PMS1: variants seen among roughly 807,000 people sequenced by gnomAD.
PMS1 encodes the protein PMS1 homolog 1, mismatch repair system component.
Under a neutral mutation model 93.1 loss-of-function variants are expected in PMS1, and 79 were observed. The ratio of observed to expected loss-of-function variants is 0.85; its 90% CI spans 0.71 to 1.02. PMS1 has a LOEUF of 1.02. Among genes scored for constraint, PMS1 ranks in the 50% least tolerant of loss-of-function variants. PMS1 has a pLI of 0.00. For synonymous variants in PMS1, 335 were observed against 363.4 expected (o/e 0.92, Z 0.89); for missense variants, 1,064 against 1,085.3 (o/e 0.98, Z 0.28).
At chr2:189,851,066 C>G (rs1396605003) in intron 6 of PMS1, among the ~76,000 whole-genome samples, 1 of 152,116 alleles carries the variant, frequency 6.6e-6, no homozygotes, top group Non-Finnish European at 1.5e-5. Context: ...TTTGGTGTCT[C>G]AAGTTATTTT....
At chr2:189,800,337 T>TA (rs201941234) in intron 3 of PMS1, among the ~76,000 whole-genome samples, 5,732 of 152,238 alleles carry the variant, frequency 0.038, 154 homozygotes, top group African/African-American at 0.067. Flanking sequence ...TTAAATTATT[T>TA]ACAAATATAC....
chr2:189,831,983 G>A (rs986276286), intron 5 of PMS1, among the ~76,000 whole-genome samples: 2 of 151,934 alleles, frequency 1.3e-5, no homozygotes, highest in African/African-American at 4.8e-5. Flanking sequence ...CTCCCGCCTC[G>A]GCCTCCCAGT....
At chr2:189,844,480 C>G (rs1257258016) in intron 6 of PMS1, among the ~76,000 whole-genome samples, 1 of 151,890 alleles carries the variant, frequency 6.6e-6, no homozygotes, top group Non-Finnish European at 1.5e-5. Context: ...CCTGTCTCTA[C>G]TAAAAATACA....
At chr2:189,801,729 T>C (rs1269062084) in intron 3 of PMS1, among the ~76,000 whole-genome samples, 1 of 152,124 alleles carries the variant, frequency 6.6e-6, no homozygotes, top group African/African-American at 2.4e-5. Flanking sequence ...GATTAAGTTT[T>C]CTGAGAATTT....
intron 5 of PMS1, among the ~76,000 whole-genome samples, chr2:189,831,487 G>A (rs1054551304): frequency 6.6e-6 from 1 of 152,202 alleles, no homozygotes; most frequent in Non-Finnish European, 1.5e-5. Flanking sequence ...AATGGGACTA[G>A]CTGTGAGTGG....
chr2:189,837,510 T>C (rs983038467), intron 5 of PMS1, among the ~76,000 whole-genome samples: 1 of 152,234 alleles, frequency 6.6e-6, no homozygotes, highest in African/African-American at 2.4e-5. Flanking sequence ...TTACTTCCTT[T>C]AATTTTGAAC....
At chr2:189,872,993 T>C (rs1407480900) in intron 11 of PMS1, among the ~76,000 whole-genome samples, 2 of 152,212 alleles carry the variant, frequency 1.3e-5, no homozygotes, top group Non-Finnish European at 2.9e-5. Flanking sequence ...GTCAGTTTTA[T>C]TTGTCCTATT....
At chr2:189,790,241 G>A (rs2048729034) in intron 1 of PMS1, among the ~76,000 whole-genome samples, 1 of 152,212 alleles carries the variant, frequency 6.6e-6, no homozygotes, top group Admixed American at 6.5e-5. Context: ...TCATCAGAAT[G>A]TATGGATGAC....
intron 5 of PMS1, among the ~76,000 whole-genome samples, chr2:189,837,811 A>G (rs1450276742): frequency 3.3e-5 from 5 of 152,278 alleles, no homozygotes; most frequent in East Asian, 1.9e-4. Flanking sequence ...ATAAAAGGAT[A>G]ATTCAAATGT....
At chr2:189,830,227 C>G (rs903836497) in intron 5 of PMS1, among the ~76,000 whole-genome samples, 3 of 152,174 alleles carry the variant, frequency 2.0e-5, no homozygotes, top group African/African-American at 7.2e-5. Context: ...AGGCCATGGG[C>G]TGTAGTTTGC....
chr2:189,824,922 C>T (rs1161289278), intron 5 of PMS1, among the ~76,000 whole-genome samples: 1 of 152,058 alleles, frequency 6.6e-6, no homozygotes, highest in Admixed American at 6.5e-5. Flanking sequence ...TTGCTCTTAG[C>T]CTTTTTCTTT....
rs563587321 is a variant in PMS1, at chr2:189,875,613, A to G, written c.2635-1659A>G. Among the ~76,000 whole-genome samples, 383 of 152,200 alleles carry G rather than the reference A, an allele frequency of 2.5e-3. 3 individuals are homozygous for G. Among genetic ancestry groups the G allele is most frequent in the Non-Finnish European group, 3.1e-3 (211 of 68,016 alleles). On this transcript the variant is annotated intron_variant, in intron 12 of 12. Coordinates refer to ENST00000441310, the MANE Select transcript of PMS1 (RefSeq NM_000534.5). The stretch of plus-strand genomic sequence containing the variant: ...TGAATAGTGAAAGGAAGGAAAGAGT[A>G]TGTTAAACATGTCTGTGTTGAACTG...
chr2:189,827,886 G>T lies in PMS1; in HGVS notation c.582+9706G>T, dbSNP rs1559265667. The stretch of plus-strand genomic sequence containing the variant: ...AAAACTGGAGGGGTTGGTCCATGGG[G>T]ATAAAGTTATGGTTAGGAAAAATAA... On this transcript the variant is annotated intron_variant, in intron 5 of 12. Coordinates refer to ENST00000441310, the MANE Select transcript of PMS1 (RefSeq NM_000534.5). Among the ~76,000 whole-genome samples the T allele has an allele frequency of 2.0e-5, 3 of 151,964 alleles. No individual in the cohort carries two copies. In the South Asian group the frequency reaches 6.2e-4, roughly 32 times the overall value.
chr2:189,832,699 G>A (rs5743078), intron 5 of PMS1, among the ~76,000 whole-genome samples: 10,956 of 152,018 alleles, frequency 0.072, 613 homozygotes, highest in African/African-American at 0.16. Context: ...TCTCCTGACC[G>A]TGTGAGCCAC....
intron 4 of PMS1, among the ~76,000 whole-genome samples, chr2:189,817,059 C>T (rs1175762476): frequency 6.6e-6 from 1 of 152,144 alleles, no homozygotes; most frequent in Non-Finnish European, 1.5e-5. Flanking sequence ...TTGGCAGTAT[C>T]TGGAGATATT....
At chr2:189,789,093 C>A (rs72905314) in intron 1 of PMS1, among the ~76,000 whole-genome samples, 1 of 152,012 alleles carries the variant, frequency 6.6e-6, no homozygotes, top group Non-Finnish European at 1.5e-5. Flanking sequence ...AACTGGGTAC[C>A]CCAAAACTAA....
chr2:189,831,610 A>G (rs1175720860), intron 5 of PMS1, among the ~76,000 whole-genome samples: 1 of 152,132 alleles, frequency 6.6e-6, no homozygotes, highest in Non-Finnish European at 1.5e-5. Context: ...TTTCTCCTAT[A>G]ATGTATTACC....
intron 1 of PMS1, among the ~76,000 whole-genome samples, chr2:189,785,941 A>G (rs2048299836): frequency 6.6e-6 from 1 of 152,132 alleles, no homozygotes; most frequent in South Asian, 2.1e-4. Flanking sequence ...CCTGGCCAAC[A>G]TGGTGAAACC....
chr2:189,838,989 CT>C (rs141989481), intron 5 of PMS1, among the ~76,000 whole-genome samples: 13 of 149,888 alleles, frequency 8.7e-5, no homozygotes, highest in East Asian at 3.9e-4. Context: ...AATACAATCA[CT>C]TTTTTTTTTC....
Sources: gnomAD v4.1 joint callset for allele counts (sites outside exome capture counted in the v4.1 genomes callset) on GRCh38, gnomAD v4.1.1 for gene constraint, MANE v1.5 for transcripts, NCBI Gene and HGNC (gene_info 2026-07-23, HGNC 2026-07-21) for gene names.